Variants in PIWIL3 observed in about 807,000 individuals in gnomAD.
The protein encoded by PIWIL3 is piwi-like protein 3.
In PIWIL3, 101 loss-of-function variants were observed where a neutral mutation model predicts 109.7. That is an observed-to-expected ratio of 0.92 (90% CI 0.78 to 1.09). The LOEUF is 1.09. Among genes scored for constraint, PIWIL3 ranks in the 50% least tolerant of loss-of-function variants. The pLI is 0.00. For missense variants in PIWIL3, 1,031 were observed against 1,072.6 expected, an observed-to-expected ratio of 0.96 and a Z score of 0.54; for synonymous variants, 373 against 376.4, an observed-to-expected ratio of 0.99 and a Z score of 0.10.
chr22:24,729,818 A>AT (rs372984780), intron 14 of PIWIL3, among the ~76,000 whole-genome samples: 3 of 151,742 alleles, frequency 2.0e-5, no homozygotes, highest in African/African-American at 7.3e-5. Context: ...AATCATTTGC[A>AT]TTTTTTTCTG....
At chr22:24,726,696 A>G (rs755108139) in intron 16 of PIWIL3, among the ~76,000 whole-genome samples, 1 of 152,270 alleles carries the variant, frequency 6.6e-6, no homozygotes, top group Non-Finnish European at 1.5e-5. Flanking sequence ...AATTGAAAGT[A>G]TAATTTTTCC....
chr22:24,748,794 C>T lies in PIWIL3; in HGVS notation c.1449+113G>A, dbSNP rs888415734. 54 of 745,144 alleles carry T rather than the reference C, an allele frequency of 7.2e-5. 2 individuals carry two copies. Among genetic ancestry groups the T allele is most frequent in the East Asian group, 4.1e-4 (15 of 37,006 alleles). The allele number at this position is 745,144 out of a possible 1,614,324, so 46.2% of individuals were successfully genotyped here. On this transcript the variant is annotated intron_variant, in intron 12 of 20. Transcript: ENST00000616349. ...ATTGGCTCAATATAGAAAGAATGAG[C>T]AGTCTGAAAAAAGAACAGCAGTCGT...
intron 1 of PIWIL3, among the ~76,000 whole-genome samples, chr22:24,766,362 A>G (rs1295976892): frequency 6.6e-6 from 1 of 151,630 alleles, no homozygotes; most frequent in Admixed American, 6.6e-5. Context: ...TCTGTTGCCC[A>G]GGCTGGAGTA....
chr22:24,762,598 A>G (rs1230140520), intron 1 of PIWIL3, 77 bp from the exon 2 acceptor site: 6 of 1,186,128 alleles, frequency 5.1e-6, no homozygotes, highest in African/African-American at 1.6e-5. Context: ...CTACAACAGA[A>G]TATCTGAGGC....
At chr22:24,725,077 G>A (rs1569095889) in intron 17 of PIWIL3, 40 bp from the exon 18 acceptor site, 5 of 1,608,858 alleles carry the variant, frequency 3.1e-6, no homozygotes, top group Non-Finnish European at 4.3e-6. Flanking sequence ...CCGTTACTTG[G>A]AACAAACTAG....
At chr22:24,727,775 T>C (rs1923083265) in intron 16 of PIWIL3, among the ~76,000 whole-genome samples, 175 bp downstream of exon 16, 1 of 152,212 alleles carries the variant, frequency 6.6e-6, no homozygotes, top group Non-Finnish European at 1.5e-5. Flanking sequence ...CAGCCAACCA[T>C]GCAAAATGTT....
chr22:24,733,098 G>A (rs1167882172), intron 14 of PIWIL3, among the ~76,000 whole-genome samples: 1 of 152,152 alleles, frequency 6.6e-6, no homozygotes, highest in East Asian at 1.9e-4. Context: ...AATGCGTACG[G>A]CTCACATAAG....
chr22:24,720,406 G>T (rs1025594214), intron 19 of PIWIL3, among the ~76,000 whole-genome samples: 2 of 151,404 alleles, frequency 1.3e-5, no homozygotes, highest in Non-Finnish European at 2.9e-5. Context: ...CGAGTAGCTG[G>T]GACTACAGGC....
rs976942747 is a variant in PIWIL3, at chr22:24,735,971, C to T, written c.1450-79G>A. ...TCTGAGATCCTGTACGCTGTAAATC[C>T]GTGCTATCTCCTATAGAAATGTTAC... On this transcript the variant is annotated intron_variant, in intron 12 of 20. Transcript: ENST00000616349. 1.4e-5 allele frequency: 16 copies of T among 1,140,560 alleles called. No homozygotes were observed. The Admixed American group carries it at 2.3e-4, about 17-fold the overall frequency. 70.7% of individuals were successfully genotyped at this position (1,140,560 alleles called of 1,614,324 possible). A position where few individuals can be genotyped will look rare whatever the true frequency, so the allele number is the denominator to read the frequency against.
At position 24,760,780 on chromosome 22, in the gene PIWIL3, C is replaced by CAAAAAAAAAAAAAAAAAAAAAAAAAA. The variant is rs61469163; in HGVS notation, c.103-792_103-791insTTTTTTTTTTTTTTTTTTTTTTTTTT. ...GGGCAACAAGAGCGAAACTCTGTCT[C>CAAAAAAAAAAAAAAAAAAAAAAAAAA]AAAAAAAAAAAAAAAAAAAAAAAGC... On this transcript the variant is annotated intron_variant, in intron 2 of 20. Coordinates refer to ENST00000616349, the MANE Select transcript of PIWIL3 (RefSeq NM_001255975.1). 6.1e-4 allele frequency among the ~76,000 whole-genome samples: 25 copies of CAAAAAAAAAAAAAAAAAAAAAAAAAA among 41,026 alleles called. 3 individuals are homozygous for CAAAAAAAAAAAAAAAAAAAAAAAAAA. Among genetic ancestry groups the CAAAAAAAAAAAAAAAAAAAAAAAAAA allele is most frequent in the South Asian group, 2.2e-3 (2 of 898 alleles). 26.9% of individuals were successfully genotyped at this position (41,026 alleles called of 152,430 possible).
intron 12 of PIWIL3, among the ~76,000 whole-genome samples, chr22:24,739,088 CAG>C (rs753625344): frequency 8.6e-5 from 13 of 151,934 alleles, no homozygotes; most frequent in African/African-American, 2.9e-4. Flanking sequence ...TTGAATACAT[CAG>C]AGTCTCTTAA....
chr22:24,772,310 T>A (rs1028276401), intron 1 of PIWIL3, among the ~76,000 whole-genome samples: 4 of 152,206 alleles, frequency 2.6e-5, no homozygotes, highest in Non-Finnish European at 5.9e-5. Flanking sequence ...AAAGTCTGCA[T>A]AATAGGAGCT....
intron 12 of PIWIL3, among the ~76,000 whole-genome samples, chr22:24,744,551 C>T (rs542271895): frequency 3.9e-5 from 6 of 151,904 alleles, no homozygotes; most frequent in East Asian, 1.9e-4. Flanking sequence ...CCAGCCTGGG[C>T]GACAGAGCAA....
At chr22:24,721,276 G>A (rs1922659021) in intron 19 of PIWIL3, among the ~76,000 whole-genome samples, 1 of 152,076 alleles carries the variant, frequency 6.6e-6, no homozygotes, top group African/African-American at 2.4e-5. Flanking sequence ...TGCTGAATGT[G>A]ATTTTTATTG....
intron 14 of PIWIL3, among the ~76,000 whole-genome samples, chr22:24,729,242 CCT>C (rs1395361021): frequency 6.6e-6 from 1 of 152,054 alleles, no homozygotes; most frequent in African/African-American, 2.4e-5. Flanking sequence ...TCTCGGGCCC[CCT>C]CTCTGCTGCA....
At chr22:24,725,620 A>T in intron 16 of PIWIL3, 105 bp from the exon 17 acceptor site, 1 of 1,083,552 alleles carries the variant, frequency 9.2e-7, no homozygotes, top group South Asian at 1.3e-5. Flanking sequence ...AGTTAAGGAC[A>T]TTTTAGCATC....
rs201612359 is a variant in PIWIL3, at chr22:24,734,189, G to A, written c.1635-33C>T. 1.0e-4 allele frequency: 160 copies of A among 1,595,750 alleles called. No homozygotes were observed. In the African/African-American group the frequency reaches 1.8e-3, roughly 18 times the overall value. On this transcript the variant is annotated intron_variant, in intron 13 of 20. Coordinates refer to ENST00000616349, the MANE Select transcript of PIWIL3 (RefSeq NM_001255975.1). ...ATAAATATAGCATCCACATCCAAAA[G>A]ATACCAACCAGTGAAACAAACGTTT...
At chr22:24,760,526 G>A (rs113949251) in intron 2 of PIWIL3, among the ~76,000 whole-genome samples, 5,535 of 152,038 alleles carry the variant, frequency 0.036, 137 homozygotes, top group African/African-American at 0.052. Flanking sequence ...AGTGGCTCAC[G>A]CCTGTAATCC....
At chr22:24,761,497 G>C (rs574382321) in intron 2 of PIWIL3, among the ~76,000 whole-genome samples, 1 of 152,168 alleles carries the variant, frequency 6.6e-6, no homozygotes, top group Non-Finnish European at 1.5e-5. Context: ...TTGATGAATG[G>C]GAGTGAACTC....
Sources: allele counts gnomAD v4.1 joint callset (sites outside exome capture counted in the v4.1 genomes callset), GRCh38; gene constraint gnomAD v4.1.1; transcripts MANE v1.5; gene names NCBI Gene and HGNC (gene_info 2026-07-23, HGNC 2026-07-21).